Variants in LRRTM4 observed in about 807,000 individuals in gnomAD.
LRRTM4 encodes leucine rich repeat transmembrane neuronal 4.
Under a neutral mutation model 47.6 loss-of-function variants are expected in LRRTM4, and 25 were observed. The observed-to-expected ratio is 0.53, with a 90% CI of 0.38 to 0.73. The LOEUF is 0.73. Ranked by LOEUF, LRRTM4 falls within the 30% of genes least tolerant of loss-of-function variation. The probability of loss-of-function intolerance (pLI) is 0.00; values close to 1 mark genes in which losing one functional copy is unlikely to be tolerated. For synonymous variants in LRRTM4, 311 were observed against 269.5 expected (o/e 1.15, Z -1.51); for missense variants, 638 against 713.4 (o/e 0.89, Z 1.20).
intron 3 of LRRTM4, among the ~76,000 whole-genome samples, chr2:77,060,494 T>C (rs920885276): frequency 6.6e-6 from 1 of 152,200 alleles, no homozygotes; most frequent in African/African-American, 2.4e-5. Context: ...TAAGATAATA[T>C]GGCTGTATAT....
intron 3 of LRRTM4, among the ~76,000 whole-genome samples, chr2:76,751,453 G>A (rs73940039): frequency 6.6e-6 from 1 of 151,872 alleles, no homozygotes; most frequent in Non-Finnish European, 1.5e-5. Context: ...TACATACTAG[G>A]TCAGAGTTGT....
chr2:77,286,807 C>G (rs1306977146), intron 3 of LRRTM4, among the ~76,000 whole-genome samples: 2 of 152,026 alleles, frequency 1.3e-5, no homozygotes, highest in Non-Finnish European at 2.9e-5. Context: ...TAAAACAACT[C>G]TAATTGAGGA....
chr2:77,430,247 G>A (rs1363868232), intron 3 of LRRTM4, among the ~76,000 whole-genome samples: 1 of 152,146 alleles, frequency 6.6e-6, no homozygotes, highest in African/African-American at 2.4e-5. Context: ...AAAACATCAT[G>A]TTGTACACAA....
intron 3 of LRRTM4, among the ~76,000 whole-genome samples, chr2:77,513,105 T>C (rs141929396): frequency 7.4e-4 from 112 of 152,302 alleles, no homozygotes; most frequent in African/African-American, 2.5e-3. Flanking sequence ...TCTAGTTACT[T>C]AGCAGAATTT....
At chr2:77,041,778 A>T (rs1386608471) in intron 3 of LRRTM4, among the ~76,000 whole-genome samples, 1 of 150,198 alleles carries the variant, frequency 6.7e-6, no homozygotes, top group African/African-American at 2.4e-5. Context: ...TTGAGTTTTT[A>T]ATATTAGGTC....
intron 3 of LRRTM4, among the ~76,000 whole-genome samples, chr2:77,316,942 C>T (rs1677636159): frequency 6.6e-6 from 1 of 152,176 alleles, no homozygotes; most frequent in Non-Finnish European, 1.5e-5. Context: ...AATAGTTGAA[C>T]ATCAGTGAAT....
At chr2:77,002,909 T>A (rs1677485164) in intron 3 of LRRTM4, among the ~76,000 whole-genome samples, 1 of 152,162 alleles carries the variant, frequency 6.6e-6, no homozygotes, top group Non-Finnish European at 1.5e-5. Flanking sequence ...TTTTAATTTA[T>A]TCTATTCATT....
At chr2:77,100,114 ACCTCCTTGT>A in intron 3 of LRRTM4, among the ~76,000 whole-genome samples, 1 of 151,980 alleles carries the variant, frequency 6.6e-6, no homozygotes, top group East Asian at 1.9e-4. Flanking sequence ...TTACACATTA[ACCTCCTTGT>A]CAGCCTCATT....
At chr2:77,055,789 C>A (rs1679583427) in intron 3 of LRRTM4, among the ~76,000 whole-genome samples, 1 of 151,612 alleles carries the variant, frequency 6.6e-6, no homozygotes, top group Non-Finnish European at 1.5e-5. Context: ...TGGAACCAAC[C>A]CAAATGTCCA....
chr2:77,083,825 G>GA (rs1389512032), intron 3 of LRRTM4, among the ~76,000 whole-genome samples: 2 of 43,002 alleles, frequency 4.7e-5, no homozygotes, highest in African/African-American at 1.3e-4. Flanking sequence ...TTTTTTTTCA[G>GA]ACGGAGTCTC....
rs1164931181 is a variant in LRRTM4, at chr2:76,777,439, C to G, written c.1552-28523G>C. ...TTGTATCCTCTTTTATTTCCTGGAGCAGTGGTTTGTAGTTCTCCTTGAAGA... is the reference window on the plus strand; with the variant it reads ...TTGTATCCTCTTTTATTTCCTGGAGGAGTGGTTTGTAGTTCTCCTTGAAGA... On this transcript the variant is annotated intron_variant, in intron 3 of 3. Transcript: ENST00000409884. 1.6e-3 allele frequency among the ~76,000 whole-genome samples: 228 copies of G among 144,978 alleles called. 4 individuals are homozygous for G. Among genetic ancestry groups the G allele is most frequent in the African/African-American group, 5.7e-3 (219 of 38,230 alleles).
At chr2:77,050,450 A>G (rs1679392993) in intron 3 of LRRTM4, among the ~76,000 whole-genome samples, 1 of 152,188 alleles carries the variant, frequency 6.6e-6, no homozygotes, top group Admixed American at 6.5e-5. Flanking sequence ...TCGGTTTACC[A>G]TTTGGACTTG....
At chr2:77,470,765 T>C (rs142078078) in intron 3 of LRRTM4, among the ~76,000 whole-genome samples, 5 of 152,162 alleles carry the variant, frequency 3.3e-5, no homozygotes, top group African/African-American at 1.2e-4. Context: ...GAACCCAATA[T>C]TTTTAAATGG....
intron 3 of LRRTM4, among the ~76,000 whole-genome samples, chr2:77,097,876 G>A (rs1222555944): frequency 3.9e-5 from 6 of 151,914 alleles, no homozygotes; most frequent in East Asian, 3.9e-4. Context: ...GATCATTAAA[G>A]ACAATGGTTA....
intron 3 of LRRTM4, among the ~76,000 whole-genome samples, chr2:76,994,863 AT>A (rs1019524981): frequency 6.6e-6 from 1 of 151,994 alleles, no homozygotes; most frequent in African/African-American, 2.4e-5. Flanking sequence ...ACAAAGTTTT[AT>A]TTAAAAAAAG....
At chr2:77,227,619 A>C (rs1674850629) in intron 3 of LRRTM4, among the ~76,000 whole-genome samples, 1 of 152,078 alleles carries the variant, frequency 6.6e-6, no homozygotes, top group Non-Finnish European at 1.5e-5. Context: ...TGACTTGATT[A>C]AATTAATCTA....
At chr2:76,857,072 T>C (rs932626043) in intron 3 of LRRTM4, among the ~76,000 whole-genome samples, 3 of 151,864 alleles carry the variant, frequency 2.0e-5, no homozygotes, top group African/African-American at 7.2e-5. Context: ...TTGAACAACA[T>C]AGGTTTGAAC....
At chr2:77,358,056 T>A (rs1423983579) in intron 3 of LRRTM4, among the ~76,000 whole-genome samples, 1 of 152,212 alleles carries the variant, frequency 6.6e-6, no homozygotes, top group Non-Finnish European at 1.5e-5. Flanking sequence ...TTCTTTAACC[T>A]TTCTCCTAAA....
intron 3 of LRRTM4, among the ~76,000 whole-genome samples, chr2:76,953,576 G>A (rs1341054616): frequency 6.6e-6 from 1 of 151,714 alleles, no homozygotes; most frequent in Non-Finnish European, 1.5e-5. Flanking sequence ...GACTGACTAG[G>A]AGCACTGAGA....
Sources: gnomAD v4.1 joint callset for allele counts (sites outside exome capture counted in the v4.1 genomes callset) on GRCh38, gnomAD v4.1.1 for gene constraint, MANE v1.5 for transcripts, NCBI Gene and HGNC (gene_info 2026-07-23, HGNC 2026-07-21) for gene names.